The following HPSE2 variants were observed in gnomAD, a reference collection of about 807,000 sequenced individuals.
The protein encoded by HPSE2 is inactive heparanase-2.
Under a neutral mutation model 60.5 loss-of-function variants are expected in HPSE2, and 38 were observed. The observed-to-expected ratio is 0.63, with a 90% CI of 0.48 to 0.82. The LOEUF is 0.82. Ranked by LOEUF, HPSE2 falls within the 40% of genes least tolerant of loss-of-function variation. The pLI, the probability that HPSE2 is intolerant of heterozygous loss-of-function variation, is 0.00. For missense variants in HPSE2, 713 were observed against 740.4 expected, an observed-to-expected ratio of 0.96 and a Z score of 0.43; for synonymous variants, 295 against 293.2, an observed-to-expected ratio of 1.01 and a Z score of -0.06.
intron 3 of HPSE2, among the ~76,000 whole-genome samples, chr10:98,828,290 C>T (rs993183045): frequency 1.3e-5 from 2 of 152,104 alleles, no homozygotes; most frequent in Non-Finnish European, 2.9e-5. Flanking sequence ...ATGCCCACAA[C>T]CTTGAAAGGT....
chr10:99,137,270 T>C (rs1208462708), intron 3 of HPSE2, among the ~76,000 whole-genome samples: 1 of 152,242 alleles, frequency 6.6e-6, no homozygotes, highest in East Asian at 1.9e-4. Context: ...AAACATTCCA[T>C]GCTTATGGAT....
the HPSE2 span, among the ~76,000 whole-genome samples, chr10:99,246,484 T>C: frequency 6.6e-6 from 1 of 152,216 alleles, no homozygotes; most frequent in South Asian, 2.1e-4. Context: ...TGATGGCTCA[T>C]GCCCGTAATC....
intron 3 of HPSE2, among the ~76,000 whole-genome samples, chr10:98,935,642 C>T (rs1954766510): frequency 1.4e-5 from 2 of 144,188 alleles, no homozygotes; most frequent in South Asian, 2.1e-4. Flanking sequence ...AGATTGCTGC[C>T]GGCTCCTTCC....
chr10:99,014,391 T>A (rs534063463), intron 3 of HPSE2, among the ~76,000 whole-genome samples: 1 of 152,366 alleles, frequency 6.6e-6, no homozygotes, highest in South Asian at 2.1e-4. Flanking sequence ...GTCTTTGCTA[T>A]TGTGAATAGT....
intron 4 of HPSE2, among the ~76,000 whole-genome samples, chr10:98,725,575 A>G (rs1016470678): frequency 3.1e-4 from 47 of 152,318 alleles, no homozygotes; most frequent in Admixed American, 9.8e-4. Context: ...GGACATAGGC[A>G]TGGTCAAGGA....
chr10:99,177,145 C>T (rs1383339882), intron 2 of HPSE2, among the ~76,000 whole-genome samples: 9 of 151,940 alleles, frequency 5.9e-5, no homozygotes, highest in Admixed American at 1.3e-4. Context: ...AAGGAAAAAA[C>T]GGTATCAGCC....
In HPSE2 at chr10:98,843,212, T is replaced by C. The variant is rs367926728; in HGVS notation, c.611-99156A>G. On this transcript the variant is annotated intron_variant, in intron 3 of 11. Coordinates refer to ENST00000370552, the MANE Select transcript of HPSE2 (RefSeq NM_021828.5). ...CCTCCTCCCACCCTCCACCCTCCGA[T>C]AGGCCCCAGTGTCTGTTGTTTCCCT... Among the ~76,000 whole-genome samples, 5 of 152,086 alleles carry C rather than the reference T, an allele frequency of 3.3e-5. No individual in the cohort carries two copies. In the East Asian group the frequency reaches 5.8e-4, roughly 18 times the overall value.
intron 7 of HPSE2, among the ~76,000 whole-genome samples, chr10:98,627,894 G>T (rs954164334): frequency 6.6e-6 from 1 of 152,168 alleles, no homozygotes; most frequent in African/African-American, 2.4e-5. Context: ...CTAAGCAGCA[G>T]GAAAGGCCAG....
At chr10:98,540,239 C>T (rs1428794100) in intron 9 of HPSE2, among the ~76,000 whole-genome samples, 2 of 152,210 alleles carry the variant, frequency 1.3e-5, no homozygotes, top group African/African-American at 2.4e-5. Flanking sequence ...AGAGCATATA[C>T]ATTAAACCAT....
At chr10:98,695,007 C>T (rs550972295) in intron 5 of HPSE2, among the ~76,000 whole-genome samples, 1 of 152,230 alleles carries the variant, frequency 6.6e-6, no homozygotes, top group African/African-American at 2.4e-5. Context: ...CTCTACTTTA[C>T]CCCAGCATAA....
the HPSE2 span, among the ~76,000 whole-genome samples, chr10:99,301,555 T>C: frequency 1.3e-5 from 2 of 152,214 alleles, no homozygotes; most frequent in African/African-American, 2.4e-5. Context: ...TAAACCTCTT[T>C]CCTTTGCAAA....
chr10:98,735,562 G>A (rs1949335905), intron 4 of HPSE2, among the ~76,000 whole-genome samples: 1 of 151,850 alleles, frequency 6.6e-6, no homozygotes, highest in Non-Finnish European at 1.5e-5. Flanking sequence ...GAGACTCAAT[G>A]CCAGCCCATG....
At chr10:99,188,337 A>G (rs1366945362) in intron 2 of HPSE2, among the ~76,000 whole-genome samples, 1 of 152,176 alleles carries the variant, frequency 6.6e-6, no homozygotes, top group Non-Finnish European at 1.5e-5. Flanking sequence ...TAGGAATGTT[A>G]TATCAGTATG....
At chr10:98,935,453 C>A (rs1282115075) in intron 3 of HPSE2, among the ~76,000 whole-genome samples, 4 of 143,666 alleles carry the variant, frequency 2.8e-5, no homozygotes, top group Non-Finnish European at 6.0e-5. Flanking sequence ...GGCTGACAAC[C>A]TTTGGATAGG....
intron 3 of HPSE2, among the ~76,000 whole-genome samples, chr10:98,948,687 G>A (rs1450556476): frequency 6.6e-6 from 1 of 151,968 alleles, no homozygotes; most frequent in African/African-American, 2.4e-5. Flanking sequence ...CAAGACGTGT[G>A]CCTGCCTTTC....
At chr10:98,805,094 C>T (rs373603821) in intron 3 of HPSE2, among the ~76,000 whole-genome samples, 3 of 152,012 alleles carry the variant, frequency 2.0e-5, no homozygotes, top group South Asian at 2.1e-4. Context: ...AACAATTGAA[C>T]TCATGGAGAT....
chr10:98,863,574 C>T (rs1952512369), intron 3 of HPSE2, among the ~76,000 whole-genome samples: 1 of 152,176 alleles, frequency 6.6e-6, no homozygotes, highest in African/African-American at 2.4e-5. Flanking sequence ...GCCTCTACTT[C>T]TTCTGTAGCC....
intron 3 of HPSE2, among the ~76,000 whole-genome samples, chr10:98,993,251 G>A (rs1242807121): frequency 6.6e-6 from 1 of 152,066 alleles, no homozygotes; most frequent in Non-Finnish European, 1.5e-5. Context: ...AAATGAAGAG[G>A]GCTACGGCAT....
chr10:99,146,719 G>C (rs1846068859), intron 2 of HPSE2, among the ~76,000 whole-genome samples: 1 of 152,114 alleles, frequency 6.6e-6, no homozygotes, highest in South Asian at 2.1e-4. Flanking sequence ...AAATTAGCTG[G>C]GCGTGGTGGC....
Sources: allele counts gnomAD v4.1 joint callset (sites outside exome capture counted in the v4.1 genomes callset), GRCh38; gene constraint gnomAD v4.1.1; transcripts MANE v1.5; gene names NCBI Gene and HGNC (gene_info 2026-07-23, HGNC 2026-07-21).